HDAC9: variants seen among roughly 807,000 people sequenced by gnomAD.
The protein encoded by HDAC9 is MEF-2 interacting transcription repressor (MITR) protein.
A neutral mutation model predicts 139.4 loss-of-function variants in HDAC9; 41 were observed. The observed-to-expected ratio is 0.29, with a 90% CI of 0.23 to 0.38. The LOEUF (loss-of-function observed/expected upper bound fraction) is 0.38, where lower values mean the gene tolerates loss of function less well. Among genes scored for constraint, HDAC9 ranks in the 10% least tolerant of loss-of-function variants. HDAC9 has a pLI of 1.00. For synonymous variants in HDAC9, 517 were observed against 476.2 expected (o/e 1.09, Z -1.12); for missense variants, 1,147 against 1,297.0 (o/e 0.88, Z 1.78).
In HDAC9 at chr7:18,213,933, C is replaced by T. The variant is rs186414379; in HGVS notation, c.25+51584C>T. 2.7e-4 allele frequency among the ~76,000 whole-genome samples: 41 copies of T among 152,146 alleles called. No homozygotes were observed. The East Asian group carries it at 3.3e-3, about 12-fold the overall frequency. On this transcript the variant is annotated intron_variant, in intron 2 of 12. Coordinates refer to the HDAC9 transcript ENST00000417496. ...CTTCCAGCTTTGTAAGTTTAGTAAT[C>T]ACCCAGCAGTTGTTTTTTTCCTTCC... is the stretch of plus-strand genomic sequence containing the variant.
At chr7:18,770,247 T>G (rs1790174862) in intron 16 of HDAC9, among the ~76,000 whole-genome samples, 1 of 152,144 alleles carries the variant, frequency 6.6e-6, no homozygotes, top group South Asian at 2.1e-4. Flanking sequence ...TGCTTTTCTT[T>G]TTGTTCAGTT....
chr7:18,298,954 G>C (rs1798338146), intron 1 of HDAC9, among the ~76,000 whole-genome samples: 1 of 151,998 alleles, frequency 6.6e-6, no homozygotes, highest in Admixed American at 6.6e-5. Context: ...TTTATAGTTA[G>C]GATTGTATCT....
At chr7:18,506,727 C>G (rs953123920) in intron 2 of HDAC9, among the ~76,000 whole-genome samples, 1 of 152,010 alleles carries the variant, frequency 6.6e-6, no homozygotes, top group Non-Finnish European at 1.5e-5. Context: ...CACCAATGCT[C>G]CTAGCTTTAT....
chr7:18,951,932 G>A (rs1782825422), intron 23 of HDAC9, among the ~76,000 whole-genome samples: 1 of 151,744 alleles, frequency 6.6e-6, no homozygotes, highest in Admixed American at 6.6e-5. Context: ...TATAAAAACA[G>A]ACTCTAAATG....
Position 18,666,332 on chromosome 7 carries a change from C to T in HDAC9, c.1587C>T (p.Ser529=). ...QEDRAPSSGN[S]TRSDSSACVD... ...ACAGAGCGCCCTCTAGTGGCAACAG[C>T]ACTAGGAGCGACAGCAGTGCTTGTG... The change falls in exon 12 of 26, where the codon AGC becomes AGT. Residue 529 remains serine, a synonymous_variant. Coordinates refer to ENST00000686413, the MANE Select transcript of HDAC9 (RefSeq NM_178425.4). The T allele has an allele frequency of 6.2e-7, 1 of 1,613,400 alleles. No homozygotes were observed. Among genetic ancestry groups the T allele is most frequent in the South Asian group, 1.1e-5 (1 of 91,076 alleles).
At chr7:18,479,784 C>T (rs566931296) in intron 1 of HDAC9, among the ~76,000 whole-genome samples, 2 of 151,832 alleles carry the variant, frequency 1.3e-5, no homozygotes, top group Non-Finnish European at 2.9e-5. Context: ...GTTTAACTAT[C>T]GCTCAAGACT....
chr7:18,714,311 A>G (rs1346255226), intron 12 of HDAC9, among the ~76,000 whole-genome samples: 1 of 152,188 alleles, frequency 6.6e-6, no homozygotes, highest in Non-Finnish European at 1.5e-5. Flanking sequence ...TCTAATGCAA[A>G]TTTGTTCTTA....
intron 21 of HDAC9, among the ~76,000 whole-genome samples, chr7:18,867,974 T>C (rs1798619800): frequency 6.6e-6 from 1 of 152,218 alleles, no homozygotes; most frequent in African/African-American, 2.4e-5. Context: ...CCTTGTTCTT[T>C]GATTGTTCTT....
intron 2 of HDAC9, among the ~76,000 whole-genome samples, chr7:18,183,159 G>A (rs1464344391): frequency 3.9e-5 from 6 of 152,100 alleles, no homozygotes; most frequent in South Asian, 4.1e-4. Flanking sequence ...ACAGGTGCCT[G>A]CCACCACACC....
intron 12 of HDAC9, among the ~76,000 whole-genome samples, chr7:18,709,629 C>A (rs1198269381): frequency 6.6e-6 from 1 of 152,144 alleles, no homozygotes; most frequent in Admixed American, 6.5e-5. Flanking sequence ...GGAACTACAA[C>A]ATGTTTGTAT....
At chr7:18,727,834 C>A in intron 13 of HDAC9, 77 bp downstream of exon 13, 1 of 1,139,378 alleles carries the variant, frequency 8.8e-7, no homozygotes, top group Non-Finnish European at 1.2e-6. Flanking sequence ...TTTAAATGCT[C>A]TGAATAACTC....
At chr7:18,709,631 T>C (rs1048576536) in intron 12 of HDAC9, among the ~76,000 whole-genome samples, 1 of 152,224 alleles carries the variant, frequency 6.6e-6, no homozygotes, top group African/African-American at 2.4e-5. Context: ...AACTACAACA[T>C]GTTTGTATTT....
chr7:18,643,870 TA>T (rs1786513085), intron 8 of HDAC9, among the ~76,000 whole-genome samples: 1 of 152,044 alleles, frequency 6.6e-6, no homozygotes, highest in Non-Finnish European at 1.5e-5. Flanking sequence ...TTCCTTAGTC[TA>T]ATAAGACCTT....
chr7:18,986,892 G>T (rs1253414679), intron 25 of HDAC9, among the ~76,000 whole-genome samples: 1 of 152,148 alleles, frequency 6.6e-6, no homozygotes, highest in East Asian at 1.9e-4. Context: ...GTATAAGAAT[G>T]CTTGTGATTT....
intron 24 of HDAC9, among the ~76,000 whole-genome samples, chr7:18,970,638 T>C (rs1440233558): frequency 6.6e-6 from 1 of 152,170 alleles, no homozygotes; most frequent in Non-Finnish European, 1.5e-5. Flanking sequence ...AAAATTTATC[T>C]TAAAAACGTA....
chr7:18,663,000 G>T (rs1259571851), intron 11 of HDAC9, among the ~76,000 whole-genome samples: 1 of 152,014 alleles, frequency 6.6e-6, no homozygotes, highest in East Asian at 1.9e-4. Context: ...AGCACTGATG[G>T]TAATATAAAG....
At chr7:18,770,444 A>C (rs1290520302) in intron 16 of HDAC9, among the ~76,000 whole-genome samples, 2 of 152,180 alleles carry the variant, frequency 1.3e-5, no homozygotes, top group Non-Finnish European at 2.9e-5. Flanking sequence ...TATCACTAAA[A>C]ATAGTGATCA....
rs79152373 is a variant in HDAC9, at chr7:18,925,000, A to G, written c.2804-10809A>G. On this transcript the variant is annotated intron_variant, in intron 22 of 25. Coordinates refer to ENST00000686413, the MANE Select transcript of HDAC9 (RefSeq NM_178425.4). ...AGATGCAAGGGTTAGTTTGAAAAGG[A>G]ATTAGTTTTTTGAAGGGGTGATATA... Among the ~76,000 whole-genome samples, 443 of 152,252 alleles carry G rather than the reference A, an allele frequency of 2.9e-3. 16 individuals are homozygous for G. In the East Asian group the frequency reaches 0.073, roughly 25 times the overall value.
intron 16 of HDAC9, among the ~76,000 whole-genome samples, chr7:18,769,317 T>C (rs964411160): frequency 6.6e-6 from 1 of 152,166 alleles, no homozygotes; most frequent in African/African-American, 2.4e-5. Flanking sequence ...GGAGTGAATA[T>C]TGGCTGCTTC....
Sources: allele counts gnomAD v4.1 joint callset (sites outside exome capture counted in the v4.1 genomes callset), GRCh38; gene constraint gnomAD v4.1.1; transcripts MANE v1.5; gene names NCBI Gene and HGNC (gene_info 2026-07-23, HGNC 2026-07-21).